The following PLA2R1 variants were observed in gnomAD, a reference collection of about 807,000 sequenced individuals.
PLA2R1 encodes the protein secretory phospholipase A2 receptor.
In PLA2R1, 158 loss-of-function variants were observed where a neutral mutation model predicts 195.9. The ratio of observed to expected loss-of-function variants is 0.81; its 90% CI spans 0.71 to 0.92. The LOEUF is 0.92. Ranked by LOEUF, PLA2R1 falls within the 40% of genes least tolerant of loss-of-function variation. PLA2R1 has a pLI of 0.00. For missense variants in PLA2R1, 1,626 were observed against 1,764.6 expected (o/e 0.92, Z 1.41); for synonymous variants, 586 against 598.2 (o/e 0.98, Z 0.30).
In PLA2R1 at chr2:159,937,427, C is replaced by G. The variant is rs1686886638; in HGVS notation, c.*4351G>C. On this transcript the variant is annotated 3_prime_UTR_variant, in exon 30 of 30. Coordinates refer to ENST00000283243, the MANE Select transcript of PLA2R1 (RefSeq NM_007366.5). The stretch of plus-strand genomic sequence containing the variant: ...TTAATACAAAATGTTCATCATAAAA[C>G]TTAATGGGTAAAGTCAATCCTTGTT... 2 of 152,166 alleles carry G rather than the reference C, an allele frequency of 1.3e-5. No homozygotes were observed. Among genetic ancestry groups the G allele is most frequent in the African/African-American group, 4.8e-5 (2 of 41,444 alleles). 9.4% of individuals were successfully genotyped at this position (152,166 alleles called of 1,614,324 possible).
intron 13 of PLA2R1, 143 bp downstream of exon 13, chr2:159,983,783 CTA>C (rs1411064204): frequency 3.9e-6 from 2 of 510,766 alleles, no homozygotes; most frequent in Non-Finnish European, 7.0e-6. Context: ...AAACATAAAA[CTA>C]TATGTATATT....
chr2:159,969,274 A>C lies in PLA2R1; in HGVS notation c.2746T>G (p.Phe916Val). ...TVNNQSQRCG[F>V]ISSITGLWGS... is the part of the protein sequence containing the mutation. ...AAATAACCTGTTATAGAAGAAATAA[A>C]GCCACATCTCTGGCTCTGATTATTC... Residue 916 changes from phenylalanine to valine, a missense_variant, in exon 19 of 30, where the codon TTT (phenylalanine) becomes GTT (valine). By Grantham distance (50) the Phe-to-Val change is conservative. Coordinates refer to ENST00000283243, the MANE Select transcript of PLA2R1 (RefSeq NM_007366.5). 1 of 1,595,236 alleles carries C rather than the reference A, an allele frequency of 6.3e-7. No individual in the cohort carries two copies. Among genetic ancestry groups the C allele is most frequent in the Non-Finnish European group, 8.6e-7 (1 of 1,163,430 alleles).
intron 20 of PLA2R1, among the ~76,000 whole-genome samples, chr2:159,957,912 A>G (rs1688199584): frequency 6.6e-6 from 1 of 152,156 alleles, no homozygotes; most frequent in Admixed American, 6.5e-5. Context: ...TTCTCTCATA[A>G]TCAATTCTCT....
At chr2:160,039,424 T>A (rs34575366) in intron 3 of PLA2R1, among the ~76,000 whole-genome samples, 82,557 of 151,554 alleles carry the variant, frequency 0.54, 25,342 homozygotes, top group Non-Finnish European at 0.69. Flanking sequence ...GCTAGTATAT[T>A]TGTATATGTG....
intron 11 of PLA2R1, among the ~76,000 whole-genome samples, chr2:159,993,063 A>T (rs1424798744): frequency 1.3e-5 from 2 of 152,104 alleles, no homozygotes; most frequent in African/African-American, 4.8e-5. Flanking sequence ...ACAAGTATAG[A>T]CTCATCTATT....
In PLA2R1 at chr2:159,958,345, T is replaced by C. The variant is rs576351290; in HGVS notation, c.2905-1718A>G. Among the ~76,000 whole-genome samples, 6 of 152,236 alleles carry C rather than the reference T, an allele frequency of 3.9e-5. No homozygotes were observed. In the South Asian group the frequency reaches 1.2e-3, roughly 32 times the overall value. On this transcript the variant is annotated intron_variant, in intron 20 of 29. Coordinates refer to ENST00000283243, the MANE Select transcript of PLA2R1 (RefSeq NM_007366.5). ...GTAAGCTCCCTGAGGCCCTCACCAGTAGCAGGTGCCGGCACCATGCTTCTT... is the reference window on the plus strand; with the variant it reads ...GTAAGCTCCCTGAGGCCCTCACCAGCAGCAGGTGCCGGCACCATGCTTCTT...
chr2:159,933,083 T>C lies in PLA2R1; in HGVS notation c.*8695A>G, dbSNP rs1213003859. 2.0e-5 allele frequency: 3 copies of C among 152,186 alleles called. No homozygotes were observed. The highest frequency in any genetic ancestry group is 4.4e-5 in the Non-Finnish European group (3 of 68,024). The allele number at this position is 152,186 out of a possible 1,614,324, so 9.4% of individuals were successfully genotyped here. On this transcript the variant is annotated 3_prime_UTR_variant, in exon 30 of 30. Coordinates refer to ENST00000283243, the MANE Select transcript of PLA2R1 (RefSeq NM_007366.5). Reference sequence around the variant, plus strand: ...GATAATATTTTAAATTAGTTAACTTTGGTCCATCATGCTTACTTCATGGTG... The same window carrying C: ...GATAATATTTTAAATTAGTTAACTTCGGTCCATCATGCTTACTTCATGGTG...
downstream of PLA2R1, among the ~76,000 whole-genome samples, chr2:159,931,199 C>T (rs1271981442): frequency 6.6e-6 from 1 of 152,138 alleles, no homozygotes; most frequent in Non-Finnish European, 1.5e-5. Context: ...TCCGTTAATG[C>T]CAATTGTACT....
At chr2:159,990,685 T>C (rs1235192293) in intron 11 of PLA2R1, among the ~76,000 whole-genome samples, 1 of 152,226 alleles carries the variant, frequency 6.6e-6, no homozygotes, top group African/African-American at 2.4e-5. Context: ...TGCAATGCTG[T>C]GTATCTGCCA....
chr2:160,036,286 A>G (rs563832771), intron 3 of PLA2R1, among the ~76,000 whole-genome samples: 22 of 152,216 alleles, frequency 1.4e-4, no homozygotes, highest in Non-Finnish European at 2.8e-4. Context: ...GTATATCTCC[A>G]TAAACTTAGC....
intron 9 of PLA2R1, among the ~76,000 whole-genome samples, chr2:160,016,263 C>CAAAAAAAAAAAAAAAAA (rs11396932): frequency 1.9e-5 from 2 of 103,148 alleles, no homozygotes; most frequent in Non-Finnish European, 1.9e-5. Flanking sequence ...GACTCTGTCT[C>CAAAAAAAAAAAAAAAAA]AAAAAAAAAA....
At position 160,028,206 on chromosome 2, in the gene PLA2R1, A is replaced by T. The variant is rs1257773886; in HGVS notation, c.1099+12T>A. 2 of 1,558,334 alleles carry T rather than the reference A, an allele frequency of 1.3e-6. No homozygotes were observed. Among genetic ancestry groups the T allele is most frequent in the African/African-American group, 2.8e-5 (2 of 72,444 alleles). On this transcript the variant is annotated intron_variant, in intron 6 of 29. Coordinates refer to ENST00000283243, the MANE Select transcript of PLA2R1 (RefSeq NM_007366.5). ...ACAACACCTAAGAACAACTTAAAAT[A>T]AAAACGCTTACCAACTATTTCATGA...
intron 25 of PLA2R1, among the ~76,000 whole-genome samples, chr2:159,948,999 C>T (rs1005122043): frequency 1.3e-5 from 2 of 152,242 alleles, no homozygotes; most frequent in Non-Finnish European, 2.9e-5. Flanking sequence ...GCCAGGTGAA[C>T]TTTAAGTGTA....
Position 159,939,736 on chromosome 2 carries a change from T to C in PLA2R1, c.*2042A>G, listed in dbSNP as rs962629431. 1.3e-5 allele frequency: 2 copies of C among 152,142 alleles called. No individual in the cohort carries two copies. The highest frequency in any genetic ancestry group is 6.5e-5 in the Admixed American group (1 of 15,278). The allele number at this position is 152,142 out of a possible 1,614,324, so 9.4% of individuals were successfully genotyped here. ...ATCACTTTCCTAATGGTGTATTTTG[T>C]CAAATTATTATGTGTGACTATATAC... On this transcript the variant is annotated 3_prime_UTR_variant, in exon 30 of 30. Coordinates refer to ENST00000283243, the MANE Select transcript of PLA2R1 (RefSeq NM_007366.5).
Position 159,941,797 on chromosome 2 carries a change from A to C in PLA2R1, c.4373T>G (p.Leu1458Arg), listed in dbSNP as rs746081413. 57 of 1,595,104 alleles carry C rather than the reference A, an allele frequency of 3.6e-5. No homozygotes were observed. Among genetic ancestry groups the C allele is most frequent in the South Asian group, 4.4e-5 (4 of 90,538 alleles). ...TCATTATTATTGGTCACTCTTCTCA[A>C]GATCAGAAATGAGAATATTTTCTTC... ...YLEENILISD[L>R]EKSDQ Residue 1458 changes from leucine to arginine, a missense_variant, in exon 30 of 30, where the codon CTT (leucine) becomes CGT (arginine). Physicochemically the swap from Leu to Arg is moderately radical, Grantham distance 102. Coordinates refer to ENST00000283243, the MANE Select transcript of PLA2R1 (RefSeq NM_007366.5).
intron 1 of PLA2R1, among the ~76,000 whole-genome samples, chr2:160,061,766 C>T (rs1695969908): frequency 6.6e-6 from 1 of 152,120 alleles, no homozygotes; most frequent in Admixed American, 6.5e-5. Context: ...CAGAGCAAGA[C>T]CCTGTCTCAA....
chr2:159,955,301 A>G lies in PLA2R1; in HGVS notation c.3199T>C (p.Cys1067Arg). ...TTAGGATTACTTGAGAGTAAGGCACAGAGAGGAATGTGTTTCTGAACTTCA... is the reference window on the plus strand; with the variant it reads ...TTAGGATTACTTGAGAGTAAGGCACGGAGAGGAATGTGTTTCTGAACTTCA... ...TTEVQKHIPL[C>R]ALLSSNPNFH... is the part of the protein sequence containing the mutation. The change falls in exon 23 of 30, where the codon TGT becomes CGT. Residue 1067 changes from cysteine (C) to arginine (R), a missense_variant. Cys to Arg is a radical substitution (Grantham distance 180). Coordinates refer to ENST00000283243, the MANE Select transcript of PLA2R1 (RefSeq NM_007366.5). The G allele has an allele frequency of 6.2e-7, 1 of 1,604,162 alleles. No homozygotes were observed. Among genetic ancestry groups the G allele is most frequent in the Non-Finnish European group, 8.5e-7 (1 of 1,171,744 alleles).
At chr2:160,046,674 A>G (rs918241597) in intron 1 of PLA2R1, among the ~76,000 whole-genome samples, 2 of 152,184 alleles carry the variant, frequency 1.3e-5, no homozygotes, top group African/African-American at 4.8e-5. Flanking sequence ...TGAGGAGTTG[A>G]ATTAGTTGTC....
At chr2:159,979,004 G>A (rs1003809578) in intron 14 of PLA2R1, among the ~76,000 whole-genome samples, 1 of 152,170 alleles carries the variant, frequency 6.6e-6, no homozygotes, top group Admixed American at 6.5e-5. Flanking sequence ...ATGGCACTGA[G>A]TTATTGTAAG....
Sources: gnomAD v4.1 joint callset for allele counts (sites outside exome capture counted in the v4.1 genomes callset) on GRCh38, gnomAD v4.1.1 for gene constraint, MANE v1.5 for transcripts, NCBI Gene and HGNC (gene_info 2026-07-23, HGNC 2026-07-21) for gene names.